Variants in CTSH observed in about 807,000 individuals in gnomAD.
The protein encoded by CTSH is cathepsin H, also known as pro-cathepsin H.
A neutral mutation model predicts 56.3 loss-of-function variants in CTSH; 52 were observed. The ratio of observed to expected loss-of-function variants is 0.92; its 90% confidence interval spans 0.74 to 1.16. CTSH has a LOEUF of 1.16. CTSH is among the 50% of genes most tolerant of loss of function. CTSH has a pLI of 0.00. For missense variants in CTSH, 406 were observed against 424.5 expected, an observed-to-expected ratio of 0.96 and a Z score of 0.38; for synonymous variants, 174 against 155.7, an observed-to-expected ratio of 1.12 and a Z score of -0.88.
In CTSH at chr15:78,928,650, G is replaced by T. The variant is rs79480543; in HGVS notation, c.630+762C>A. 0.027 allele frequency among the ~76,000 whole-genome samples: 4,027 copies of T among 151,538 alleles called. 487 individuals carry two copies. In the East Asian group the frequency reaches 0.36, roughly 14 times the overall value. On this transcript the variant is annotated intron_variant, in intron 8 of 11. Transcript: ENST00000220166. ...GAGTCTGGGCTTTCTCCCGAAGGCC[G>T]CATGGAGCCTCGGCGGCATTCTGAT...
intron 11 of CTSH, among the ~76,000 whole-genome samples, 175 bp from the exon 12 acceptor site, chr15:78,922,380 AAG>A (rs1425026788): frequency 6.6e-6 from 1 of 152,170 alleles, no homozygotes; most frequent in Non-Finnish European, 1.5e-5. Context: ...TGACTTTGTG[AAG>A]AATTCATTCT....
chr15:78,944,472 C>T (rs1341803524), intron 1 of CTSH: 6 of 161,060 alleles, frequency 3.7e-5, no homozygotes, highest in Non-Finnish European at 6.8e-5. Context: ...CAAGACACTA[C>T]GGGGATCCCC....
At chr15:78,938,487 A>G (rs1393589926) in intron 2 of CTSH, among the ~76,000 whole-genome samples, 1 of 152,064 alleles carries the variant, frequency 6.6e-6, no homozygotes, top group African/African-American at 2.4e-5. Context: ...CCACTTTTTT[A>G]TCTCCCACAT....
chr15:78,943,294 A>G (rs1156242972), intron 1 of CTSH, among the ~76,000 whole-genome samples: 1 of 152,050 alleles, frequency 6.6e-6, no homozygotes, highest in Non-Finnish European at 1.5e-5. Context: ...TTACTCTGTC[A>G]CCCAGGCTGG....
rs758911355 is a variant in CTSH, at chr15:78,939,169, T to C, written c.94A>G (p.Lys32Glu). The C allele has an allele frequency of 6.3e-7, 1 of 1,574,814 alleles. No individual in the cohort carries two copies. Among genetic ancestry groups the C allele is most frequent in the Non-Finnish European group, 8.6e-7 (1 of 1,161,946 alleles). ...GACATCCATGACTTGAAGTGAAACT[T>C]CTCTGTAAAAAGAAAAAAAAAATTA... The part of the protein sequence containing the change: ...AAELCVNSLE[K>E]FHFKSWMSKH... The change falls in exon 2 of 12, where the codon AAG becomes GAG. Residue 32 changes from lysine (K) to glutamate (E), a missense_variant and splice_region_variant. Coordinates refer to ENST00000220166, the MANE Select transcript of CTSH (RefSeq NM_004390.5).
rs1491267617 is a variant in CTSH at position 78,921,789 on chromosome 15, A to ATGTT, written c.*337_*340dup. 4.1e-6 allele frequency: 1 copy of ATGTT among 246,312 alleles called. No individual in the cohort carries two copies. The highest frequency in any genetic ancestry group is 1.0e-4 in the East Asian group (1 of 9,808). 15.3% of individuals were successfully genotyped at this position (246,312 alleles called of 1,614,324 possible). On this transcript the variant is annotated 3_prime_UTR_variant, in exon 12 of 12. Coordinates refer to ENST00000220166, the MANE Select transcript of CTSH (RefSeq NM_004390.5). ...CTCCATCTGGGGAGGTGCTCACTCA[A>ATGTT]TGTTTATTGAACAGCGAATACAGAA...
chr15:78,931,591 C>T, intron 6 of CTSH, 85 bp from the exon 7 acceptor site: 1 of 1,607,466 alleles, frequency 6.2e-7, no homozygotes, highest in Non-Finnish European at 8.5e-7. Context: ...CCTGGCTGAG[C>T]CACATCTGAG....
chr15:78,934,956 G>C (rs761122599), intron 5 of CTSH, 22 bp downstream of exon 5: 39 of 1,509,402 alleles, frequency 2.6e-5, no homozygotes, highest in Non-Finnish European at 3.2e-5. Context: ...TGCAGGGAGA[G>C]GATGGAGATT....
chr15:78,944,670 A>G lies in CTSH; in HGVS notation c.91+221T>C, dbSNP rs2055358086. 20 of 803,948 alleles carry G rather than the reference A, an allele frequency of 2.5e-5. No homozygotes were observed. The South Asian group carries it at 5.4e-4, about 22-fold the overall frequency. The allele number at this position is 803,948 out of a possible 1,614,324, so 49.8% of individuals were successfully genotyped here. On this transcript the variant is annotated intron_variant, in intron 1 of 11. Coordinates refer to ENST00000220166, the MANE Select transcript of CTSH (RefSeq NM_004390.5). ...TGGCTAGGTGGGACCCTGGACACTC[A>G]GCCCATCTGCTCCTCTGGTCCTACA... is the stretch of plus-strand genomic sequence containing the variant.
chr15:78,929,309 G>A (rs2054993077), intron 8 of CTSH, 103 bp downstream of exon 8: 7 of 870,568 alleles, frequency 8.0e-6, no homozygotes, highest in African/African-American at 3.4e-5. Context: ...GAATTCCGGC[G>A]GGAGGGAGGT....
chr15:78,944,692 T>A, intron 1 of CTSH, 199 bp downstream of exon 1: 1 of 1,094,112 alleles, frequency 9.1e-7, no homozygotes, highest in Non-Finnish European at 1.2e-6. Flanking sequence ...CCTCTGGTCC[T>A]ACAAGCCGCC....
chr15:78,928,191 G>GCAGGAGAGAAGGCAC (rs1555444855), intron 8 of CTSH, among the ~76,000 whole-genome samples: 8 of 152,056 alleles, frequency 5.3e-5, no homozygotes, highest in African/African-American at 1.7e-4. Context: ...AGAGAAGGCA[G>GCAGGAGAGAAGGCAC]CAGGACAAGG....
At position 78,922,136 on chromosome 15, in the gene CTSH, C is replaced by T. The variant is rs1382897366; in HGVS notation, c.1002G>A (p.Leu334=). The change falls in exon 12 of 12, where the codon CTG becomes CTA. Residue 334 remains leucine (L), a synonymous_variant. Coordinates refer to ENST00000220166, the MANE Select transcript of CTSH (RefSeq NM_004390.5). ...GCGCTGCGGCTGCCACGGCTCACACCAGAGGGATGGGGTAGGAGGCGCAGG... is the reference window on the plus strand; with the variant it reads ...GCGCTGCGGCTGCCACGGCTCACACTAGAGGGATGGGGTAGGAGGCGCAGG... ...LAACASYPIP[L]V is the part of the protein sequence containing the mutation. The T allele has an allele frequency of 1.3e-5, 21 of 1,571,248 alleles. No individual in the cohort carries two copies.
intron 1 of CTSH, among the ~76,000 whole-genome samples, chr15:78,941,422 T>TAAAAA (rs35226827): frequency 2.1e-5 from 1 of 48,440 alleles, no homozygotes; most frequent in South Asian, 1.4e-3. Context: ...AGACTCTGTC[T>TAAAAA]AAAAAAAAAA....
intron 1 of CTSH, chr15:78,944,659 C>A: frequency 1.4e-6 from 1 of 709,100 alleles, no homozygotes; most frequent in Non-Finnish European, 2.1e-6. Flanking sequence ...TAGGTGGGAC[C>A]CTGGACACTC....
chr15:78,928,831 G>C (rs1257709947), intron 8 of CTSH, among the ~76,000 whole-genome samples: 1 of 152,174 alleles, frequency 6.6e-6, no homozygotes, highest in African/African-American at 2.4e-5. Flanking sequence ...CGGCAGGGTG[G>C]GGTGGAGAGG....
chr15:78,923,213 A>G (rs567501454), intron 10 of CTSH, 95 bp from the exon 11 acceptor site: 126 of 1,424,410 alleles, frequency 8.8e-5, no homozygotes, highest in African/African-American at 8.1e-4. Context: ...CTTTAGAGCA[A>G]TGTTCCCCAC....
At chr15:78,922,400 C>CTG (rs1220982160) in intron 11 of CTSH, among the ~76,000 whole-genome samples, 195 bp from the exon 12 acceptor site, 2 of 152,186 alleles carry the variant, frequency 1.3e-5, no homozygotes, top group Admixed American at 6.5e-5. Flanking sequence ...TCTTCCCTCT[C>CTG]CTTAGCTGCC....
chr15:78,930,549 TAAA>T, intron 7 of CTSH, among the ~76,000 whole-genome samples: 1 of 150,482 alleles, frequency 6.6e-6, no homozygotes, highest in Non-Finnish European at 1.5e-5. Flanking sequence ...AATAAATAAA[TAAA>T]TAAATAAATA....
Sources: allele counts gnomAD v4.1 joint callset (sites outside exome capture counted in the v4.1 genomes callset), GRCh38; gene constraint gnomAD v4.1.1; transcripts MANE v1.5; gene names NCBI Gene and HGNC (gene_info 2026-07-23, HGNC 2026-07-21).